The following HIVEP1 variants were observed in gnomAD, a reference collection of about 807,000 sequenced individuals.
The protein encoded by HIVEP1 is zinc finger protein 40.
HIVEP1 carries 36 observed loss-of-function variants against 180.0 expected under a neutral mutation model. That is an observed-to-expected ratio of 0.20 (90% CI 0.15 to 0.26). HIVEP1 has a LOEUF of 0.26. Ranked by LOEUF, HIVEP1 falls within the 10% of genes least tolerant of loss-of-function variation. The pLI is 1.00. For synonymous variants in HIVEP1, 1,239 were observed against 1,239.0 expected, an observed-to-expected ratio of 1.00 and a Z score of 0.00; for missense variants, 3,143 against 3,268.7, an observed-to-expected ratio of 0.96 and a Z score of 0.94.
intron 2 of HIVEP1, among the ~76,000 whole-genome samples, chr6:12,021,966 G>A (rs1178584868): frequency 1.3e-5 from 2 of 151,786 alleles, no homozygotes; most frequent in African/African-American, 4.8e-5. Context: ...CACCTGGCCT[G>A]GTTGTGTCAA....
intron 2 of HIVEP1, among the ~76,000 whole-genome samples, chr6:12,022,072 T>C (rs151189356): frequency 2.6e-5 from 4 of 152,366 alleles, no homozygotes; most frequent in African/African-American, 9.6e-5. Flanking sequence ...CAATATTTGG[T>C]AGCTTCTGAT....
chr6:12,190,771 T>G, the HIVEP1 span, among the ~76,000 whole-genome samples: 2 of 152,212 alleles, frequency 1.3e-5, no homozygotes, highest in Non-Finnish European at 2.9e-5. Flanking sequence ...TTCTATTTTA[T>G]TCTCTTGTCG....
chr6:12,165,290 C>T (rs989044303), downstream of HIVEP1, among the ~76,000 whole-genome samples: 1 of 152,168 alleles, frequency 6.6e-6, no homozygotes, highest in Non-Finnish European at 1.5e-5. Flanking sequence ...GGGCAACGTT[C>T]CTAAATGAGG....
the HIVEP1 span, among the ~76,000 whole-genome samples, chr6:12,170,069 T>C: frequency 2.0e-5 from 3 of 151,686 alleles, no homozygotes; most frequent in Admixed American, 2.0e-4. Context: ...TGCAGTGAGC[T>C]GAGATCATGC....
rs754679842 is a variant in HIVEP1 at position 12,130,833 on chromosome 6, A to T, written c.6276A>T (p.Glu2092Asp). ...GAAGAGGAAAATACATTTGTGAAGA[A>T]TGTGGAATACGTTGTAAGAAACCTA... ...GRGRGKYICE[E>D]CGIRCKKPSM... Residue 2092 changes from glutamate to aspartate, a missense_variant, in exon 6 of 9, where the codon GAA becomes GAT. Glu to Asp is a conservative substitution (Grantham distance 45). Coordinates refer to ENST00000379388, the MANE Select transcript of HIVEP1 (RefSeq NM_002114.4). The T allele has an allele frequency of 2.5e-6, 4 of 1,611,936 alleles. No individual in the cohort carries two copies. In the South Asian group the frequency reaches 4.4e-5, roughly 18 times the overall value.
At chr6:12,200,517 G>A in the HIVEP1 span, among the ~76,000 whole-genome samples, 61 of 152,318 alleles carry the variant, frequency 4.0e-4, no homozygotes, top group African/African-American at 1.4e-3. Flanking sequence ...GCTCCACTTT[G>A]GGGCTTGCCT....
At chr6:12,056,945 TC>T (rs1189865918) in intron 2 of HIVEP1, among the ~76,000 whole-genome samples, 2 of 152,084 alleles carry the variant, frequency 1.3e-5, no homozygotes, top group Non-Finnish European at 2.9e-5. Context: ...CAAGTGATCC[TC>T]CCATCTTAGC....
downstream of HIVEP1, among the ~76,000 whole-genome samples, chr6:12,165,795 G>T (rs942691736): frequency 2.6e-5 from 4 of 152,184 alleles, no homozygotes; most frequent in Non-Finnish European, 5.9e-5. Context: ...TGGTTTGCGA[G>T]GTGAGAGGTA....
Position 12,125,270 on chromosome 6 carries a change from T to A in HIVEP1, c.5475T>A (p.Asn1825Lys), listed in dbSNP as rs918128076. 3 of 1,614,092 alleles carry A rather than the reference T, an allele frequency of 1.9e-6. No homozygotes were observed. The highest frequency in any genetic ancestry group is 1.7e-6 in the Non-Finnish European group (2 of 1,179,966). The change falls in exon 4 of 9, where the codon AAT becomes AAA. Residue 1825 changes from asparagine (N) to lysine (K), a missense_variant. Around this residue, in one of 12 missense-constraint regions of HIVEP1, gnomAD observed 1,357 missense variants for 1,260.5 expected, o/e 1.08. Transcript: ENST00000379388. ...TTTTTTCTCAACCTGAAATTAGTAA[T>A]GAGGCTGTTAATTTGACAAATGTTT... is the stretch of plus-strand genomic sequence containing the variant. The part of the protein sequence containing the change: ...KDVFSQPEIS[N>K]EAVNLTNVLP...
intron 2 of HIVEP1, among the ~76,000 whole-genome samples, chr6:12,075,145 G>A (rs1469070906): frequency 6.6e-6 from 1 of 152,210 alleles, no homozygotes; most frequent in Non-Finnish European, 1.5e-5. Context: ...GCACAGGCAC[G>A]TAGACACGTG....
the HIVEP1 span, among the ~76,000 whole-genome samples, chr6:12,173,319 A>G: frequency 6.6e-6 from 1 of 152,132 alleles, no homozygotes; most frequent in Non-Finnish European, 1.5e-5. Context: ...GAAATGGAGC[A>G]ATTTTCCATT....
At chr6:12,185,454 T>G in the HIVEP1 span, among the ~76,000 whole-genome samples, 1 of 152,302 alleles carries the variant, frequency 6.6e-6, no homozygotes, top group East Asian at 1.9e-4. Context: ...TATAAGAGGC[T>G]CTGAGTTGAA....
At chr6:12,061,454 G>A (rs1461580078) in intron 2 of HIVEP1, among the ~76,000 whole-genome samples, 1 of 152,170 alleles carries the variant, frequency 6.6e-6, no homozygotes, top group East Asian at 1.9e-4. Context: ...TGGTATCATT[G>A]TTATACAGAT....
intron 2 of HIVEP1, among the ~76,000 whole-genome samples, chr6:12,022,486 A>G (rs551377378): frequency 5.9e-5 from 9 of 152,302 alleles, no homozygotes; most frequent in African/African-American, 1.9e-4. Flanking sequence ...CAGGATTTTT[A>G]TAGCTTATCC....
At chr6:12,127,103 C>G (rs1758122860) in intron 4 of HIVEP1, among the ~76,000 whole-genome samples, 1 of 152,066 alleles carries the variant, frequency 6.6e-6, no homozygotes, top group Admixed American at 6.6e-5. Context: ...TCAGATGATT[C>G]ACCCATCTTG....
chr6:12,028,446 G>A (rs1335115257), intron 2 of HIVEP1, among the ~76,000 whole-genome samples: 4 of 152,242 alleles, frequency 2.6e-5, no homozygotes, highest in Non-Finnish European at 4.4e-5. Flanking sequence ...ATGTATGACT[G>A]CATAGCCAAG....
the HIVEP1 span, among the ~76,000 whole-genome samples, chr6:12,198,805 T>A: frequency 6.6e-6 from 1 of 152,124 alleles, no homozygotes; most frequent in African/African-American, 2.4e-5. Context: ...TTATTCAGTG[T>A]CTACTGATTA....
the HIVEP1 span, among the ~76,000 whole-genome samples, chr6:12,204,360 T>TCCCTTCCCCGTCTATCCTCTTTTACCTC: frequency 6.6e-6 from 1 of 150,528 alleles, no homozygotes; most frequent in Non-Finnish European, 1.5e-5. Flanking sequence ...TCAAGCTTCC[T>TCCCTTCCCCGTCTATCCTCTTTTACCTC]CCCTTCCCCG....
downstream of HIVEP1, among the ~76,000 whole-genome samples, chr6:12,168,092 CACATACACGTATATATGTATATTAT>C (rs1760785851): frequency 5.9e-4 from 10 of 16,818 alleles, no homozygotes; most frequent in South Asian, 1.6e-3. Flanking sequence ...TACATATATA[CACATACACGTATATATGTATATTAT>C]ATATACATAT....
Sources: allele counts gnomAD v4.1 joint callset (sites outside exome capture counted in the v4.1 genomes callset), GRCh38; gene constraint gnomAD v4.1.1; regional missense constraint gnomAD v4.1.1; transcripts MANE v1.5; gene names NCBI Gene and HGNC (gene_info 2026-07-23, HGNC 2026-07-21).